The following SRPK2 variants were observed in gnomAD, a reference collection of about 807,000 sequenced individuals.
SRPK2 encodes SRSF protein kinase 2.
A neutral mutation model predicts 90.8 loss-of-function variants in SRPK2; 21 were observed. That is an observed-to-expected ratio of 0.23 (90% CI 0.16 to 0.33). SRPK2 has a LOEUF of 0.33. Among genes scored for constraint, SRPK2 ranks in the 10% least tolerant of loss-of-function variants. SRPK2 has a pLI of 1.00. For synonymous variants in SRPK2, 288 were observed against 311.1 expected (o/e 0.93, Z 0.78); for missense variants, 620 against 869.0 (o/e 0.71, Z 3.60).
Position 105,156,459 on chromosome 7 carries a change from A to G in SRPK2, c.621+4048T>C, listed in dbSNP as rs80159936. On this transcript the variant is annotated intron_variant, in intron 7 of 15. Transcript: ENST00000393651. The stretch of plus-strand genomic sequence containing the variant: ...GCTACTATTAGCATTACTATCTCTC[A>G]TTACATCTTTACAATAAACTAATGA... Among the ~76,000 whole-genome samples the G allele has an allele frequency of 6.6e-4, 100 of 152,274 alleles. No homozygotes were observed. The South Asian group carries it at 0.02, about 30-fold the overall frequency.
rs932714217 is a variant in SRPK2 at position 105,298,813 on chromosome 7, G to A, written c.71+89835C>T. On this transcript the variant is annotated intron_variant, in intron 2 of 15. Coordinates refer to ENST00000393651, the MANE Select transcript of SRPK2 (RefSeq NM_182692.3). ...CCTCCCGCTGTAAGGAGGGCTTCAC[G>A]CAGCCCTGCATCACAATGCCAGCAA... 36 of 985,170 alleles carry A rather than the reference G, an allele frequency of 3.7e-5. No homozygotes were observed. The African/African-American group carries it at 5.8e-4, about 16-fold the overall frequency. 61.0% of individuals were successfully genotyped at this position (985,170 alleles called of 1,614,324 possible).
At chr7:105,382,966 G>A (rs1440978215) in intron 2 of SRPK2, among the ~76,000 whole-genome samples, 3 of 151,124 alleles carry the variant, frequency 2.0e-5, no homozygotes, top group Non-Finnish European at 4.4e-5. Context: ...AGATATCAAC[G>A]TCAGGGAAGT....
At chr7:105,128,791 G>C (rs1012270570) in intron 13 of SRPK2, among the ~76,000 whole-genome samples, 5 of 152,026 alleles carry the variant, frequency 3.3e-5, no homozygotes, top group African/African-American at 1.2e-4. Flanking sequence ...TCAACCTCTT[G>C]GGCTCCAGTG....
intron 2 of SRPK2, among the ~76,000 whole-genome samples, chr7:105,243,810 G>A (rs2129625781): frequency 6.6e-6 from 1 of 152,228 alleles, no homozygotes; most frequent in South Asian, 2.1e-4. Flanking sequence ...AGAATCTGCA[G>A]CTCAGCAGAT....
At chr7:105,261,317 C>G (rs1477207058) in intron 2 of SRPK2, among the ~76,000 whole-genome samples, 1 of 152,004 alleles carries the variant, frequency 6.6e-6, no homozygotes, top group Admixed American at 6.6e-5. Flanking sequence ...GTCAGGAGAT[C>G]GAGACCATCC....
intron 2 of SRPK2, among the ~76,000 whole-genome samples, chr7:105,230,253 T>TG (rs1483576787): frequency 6.6e-6 from 1 of 152,162 alleles, no homozygotes; most frequent in East Asian, 1.9e-4. Flanking sequence ...TTGACAGAGA[T>TG]GGAGGCTGGA....
chr7:105,364,226 C>T (rs1309222757), intron 2 of SRPK2, among the ~76,000 whole-genome samples: 1 of 152,032 alleles, frequency 6.6e-6, no homozygotes, highest in African/African-American at 2.4e-5. Flanking sequence ...CCTTTGAAGT[C>T]ATGCACATCT....
At chr7:105,264,306 T>C (rs764152710) in intron 2 of SRPK2, among the ~76,000 whole-genome samples, 2 of 152,194 alleles carry the variant, frequency 1.3e-5, no homozygotes, top group Non-Finnish European at 2.9e-5. Flanking sequence ...ATGTATCACT[T>C]TCACCTTTGC....
At chr7:105,142,745 T>C (rs903665494) in intron 10 of SRPK2, among the ~76,000 whole-genome samples, 2 of 152,342 alleles carry the variant, frequency 1.3e-5, no homozygotes, top group South Asian at 4.1e-4. Flanking sequence ...TGCACTTCCA[T>C]TTCTACCCTC....
At chr7:105,266,505 C>A (rs189659106) in intron 2 of SRPK2, among the ~76,000 whole-genome samples, 1 of 152,136 alleles carries the variant, frequency 6.6e-6, no homozygotes, top group Non-Finnish European at 1.5e-5. Context: ...GGTTTGCTTA[C>A]AATCAAGCAG....
At chr7:105,229,043 T>G (rs1799089893) in intron 2 of SRPK2, among the ~76,000 whole-genome samples, 1 of 152,144 alleles carries the variant, frequency 6.6e-6, no homozygotes, top group East Asian at 1.9e-4. Flanking sequence ...CACCAACAGC[T>G]AGCTGTTTTA....
chr7:105,122,858 C>T (rs781333033), intron 15 of SRPK2, among the ~76,000 whole-genome samples: 46 of 152,066 alleles, frequency 3.0e-4, no homozygotes, highest in Admixed American at 1.3e-3. Context: ...CCAACACACT[C>T]GATGCTGTCA....
intron 7 of SRPK2, 165 bp downstream of exon 7, chr7:105,160,342 T>C (rs569274887): frequency 1.5e-4 from 63 of 425,548 alleles, no homozygotes; most frequent in African/African-American, 1.2e-3. Flanking sequence ...ACTGACTTAA[T>C]AAGAGTTCAA....
intron 2 of SRPK2, among the ~76,000 whole-genome samples, chr7:105,333,285 A>AGGTTGG (rs1814666813): frequency 6.6e-6 from 1 of 152,232 alleles, no homozygotes; most frequent in Non-Finnish European, 1.5e-5. Flanking sequence ...TGGAAATTAT[A>AGGTTGG]ACAATATAGG....
At chr7:105,383,564 G>A (rs139462038) in intron 2 of SRPK2, among the ~76,000 whole-genome samples, 182 of 151,442 alleles carry the variant, frequency 1.2e-3, no homozygotes, top group African/African-American at 4.1e-3. Flanking sequence ...GGAACTGCAG[G>A]AGCACACTAC....
In SRPK2 at chr7:105,117,591, T is replaced by TA. The variant is rs1286041070; in HGVS notation, c.*246dup. ...GTCACACAACACAAGAAACAATGCT[T>TA]AGAGACATGTTATTGTTTCCAGAAG... is the stretch of plus-strand genomic sequence containing the variant. On this transcript the variant is annotated 3_prime_UTR_variant, in exon 16 of 16. Transcript: ENST00000393651. The TA allele has an allele frequency of 1.7e-5, 9 of 515,662 alleles. No homozygotes were observed. The highest frequency in any genetic ancestry group is 1.6e-4 in the African/African-American group (8 of 51,236). The allele number at this position is 515,662 out of a possible 1,614,324, so 31.9% of individuals were successfully genotyped here. A position where few individuals can be genotyped will look rare whatever the true frequency, so the allele number is the denominator to read the frequency against.
intron 2 of SRPK2, among the ~76,000 whole-genome samples, chr7:105,250,070 C>T (rs952767520): frequency 1.3e-4 from 20 of 152,206 alleles, no homozygotes; most frequent in African/African-American, 4.8e-4. Flanking sequence ...GTGGCTCACG[C>T]CTATAATCTC....
At chr7:105,199,944 C>G (rs991826369) in intron 3 of SRPK2, among the ~76,000 whole-genome samples, 1 of 149,482 alleles carries the variant, frequency 6.7e-6, no homozygotes, top group Admixed American at 6.7e-5. Context: ...AGAGTAGACT[C>G]CAGGGCTGGG....
At position 105,369,563 on chromosome 7, in the gene SRPK2, T is replaced by C. The variant is rs147770177; in HGVS notation, c.71+19085A>G. Among the ~76,000 whole-genome samples, 40 of 152,292 alleles carry C rather than the reference T, an allele frequency of 2.6e-4. No individual in the cohort carries two copies. In the East Asian group the frequency reaches 7.5e-3, roughly 29 times the overall value. On this transcript the variant is annotated intron_variant, in intron 2 of 15. Coordinates refer to ENST00000393651, the MANE Select transcript of SRPK2 (RefSeq NM_182692.3). The stretch of plus-strand genomic sequence containing the variant: ...CCACACATTTTCAGACCCACAGCTA[T>C]ACACGATGTATTTCATCTGTGAAAG...
Sources: gnomAD v4.1 joint callset for allele counts (sites outside exome capture counted in the v4.1 genomes callset) on GRCh38, gnomAD v4.1.1 for gene constraint, MANE v1.5 for transcripts, NCBI Gene and HGNC (gene_info 2026-07-23, HGNC 2026-07-21) for gene names.